Variants in BEST2 observed in about 807,000 individuals in gnomAD.
The protein encoded by BEST2 is bestrophin-2a.
In BEST2, 36 loss-of-function variants were observed where a neutral mutation model predicts 49.0. That is an observed-to-expected ratio of 0.73 (90% CI 0.56 to 0.97). BEST2 has a LOEUF of 0.97. Among genes scored for constraint, BEST2 ranks in the 50% least tolerant of loss-of-function variants. BEST2 has a pLI of 0.00. For synonymous variants in BEST2, 335 were observed against 304.4 expected, an observed-to-expected ratio of 1.10 and a Z score of -1.05; for missense variants, 672 against 710.0, an observed-to-expected ratio of 0.95 and a Z score of 0.61.
In BEST2 at chr19:12,755,812, T is replaced by C. The variant is rs1297801443; in HGVS notation, c.868-43T>C. 20 of 1,612,454 alleles carry C rather than the reference T, an allele frequency of 1.2e-5. No homozygotes were observed. Among genetic ancestry groups the C allele is most frequent in the Non-Finnish European group, 1.6e-5 (19 of 1,178,660 alleles). ...TGGAATTTCGTGGGTGGGGCGGGCA[T>C]GGGGTTCCCAAGTTTCCACCTAACT... On this transcript the variant is annotated intron_variant, in intron 7 of 9. Transcript: ENST00000553030. The surrounding 1 kb of genome is among the most constrained non-coding windows in gnomAD (Gnocchi z 4.4).
chr19:12,754,597 T>A lies in BEST2; in HGVS notation c.293T>A (p.Leu98Gln). The change falls in exon 4 of 10, where the codon CTA becomes CAA. Residue 98 changes from leucine (L) to glutamine (Q), a missense_variant. Transcript: ENST00000553030. The part of the protein sequence containing the change: ...LVVNRWWSQY[L>Q]CMPLPDALMC... ...GTGAACCGCTGGTGGAGCCAGTACC[T>A]ATGCATGCCGCTGCCCGACGCGCTC... The A allele has an allele frequency of 6.4e-7, 1 of 1,564,242 alleles. No homozygotes were observed. The highest frequency in any genetic ancestry group is 8.7e-7 in the Non-Finnish European group (1 of 1,150,406).
rs1473822065 is a variant in BEST2 at position 12,755,594 on chromosome 19, G to C, written c.715-21G>C. Reference sequence around the variant, plus strand: ...CCTTGGACCCCAATGACCCCCCTGAGCCCTGCCCCGCCCTGCCCAGGTGGT... The same window carrying C: ...CCTTGGACCCCAATGACCCCCCTGACCCCTGCCCCGCCCTGCCCAGGTGGT... On this transcript the variant is annotated intron_variant, in intron 6 of 9. Coordinates refer to ENST00000553030, the MANE Select transcript of BEST2 (RefSeq NM_017682.3). The surrounding 1 kb of genome is among the most constrained non-coding windows in gnomAD (Gnocchi z 4.4). The C allele has an allele frequency of 6.2e-7, 1 of 1,610,426 alleles. No homozygotes were observed. The highest frequency in any genetic ancestry group is 8.5e-7 in the Non-Finnish European group (1 of 1,177,768).
intron 1 of BEST2, among the ~76,000 whole-genome samples, chr19:12,752,280 G>T (rs1416261100): frequency 6.6e-6 from 1 of 151,806 alleles, no homozygotes; most frequent in Non-Finnish European, 1.5e-5. Context: ...TCGGGCAGAG[G>T]GTGACTCGGG....
At chr19:12,757,546 A>C in intron 9 of BEST2, 105 bp from the exon 10 acceptor site, 1 of 1,270,554 alleles carries the variant, frequency 7.9e-7, no homozygotes, top group Non-Finnish European at 1.1e-6. Flanking sequence ...TTTGGGGATA[A>C]GTGGGACAAA....
chr19:12,755,382 C>A lies in BEST2; in HGVS notation c.640C>A (p.Leu214Met). The A allele has an allele frequency of 6.2e-7, 1 of 1,614,128 alleles. No individual in the cohort carries two copies. Among genetic ancestry groups the A allele is most frequent in the Non-Finnish European group, 8.5e-7 (1 of 1,180,018 alleles). Residue 214 changes from leucine to methionine, a missense_variant, in exon 6 of 10, where the codon CTG becomes ATG. Leu to Met is a conservative substitution (Grantham distance 15, BLOSUM62 2). Around this residue, in one of 3 missense-constraint regions of BEST2, gnomAD observed 365 missense variants for 390.9 expected, o/e 0.93. Coordinates refer to ENST00000553030, the MANE Select transcript of BEST2 (RefSeq NM_017682.3). The surrounding 1 kb of genome is among the most constrained non-coding windows in gnomAD (Gnocchi z 4.4). ...CATGACCTGTATCCACCCCCAGGAG[C>A]TGAATGTTTTTCGGGGCAAATGTGG... is the stretch of plus-strand genomic sequence containing the variant. ...NSALKLLLEE[L>M]NVFRGKCGML...
rs1291480683 is a variant in BEST2, at chr19:12,758,154, A to T, written c.*77A>T. The T allele has an allele frequency of 6.7e-7, 1 of 1,502,640 alleles. No homozygotes were observed. The highest frequency in any genetic ancestry group is 2.2e-5 in the Admixed American group (1 of 45,132). The allele number at this position is 1,502,640 out of a possible 1,614,324, so 93.1% of individuals were successfully genotyped here. On this transcript the variant is annotated 3_prime_UTR_variant, in exon 10 of 10. Transcript: ENST00000553030. ...CCCACGCAGGTGTCCCGGTCTGCAT[A>T]AGCCTCGTGTGCCTTTGTAAAGTCC...
chr19:12,756,297 T>A lies in BEST2; in HGVS notation c.1103+2T>A, dbSNP rs776660350. 2 of 1,612,634 alleles carry A rather than the reference T, an allele frequency of 1.2e-6. No homozygotes were observed. Among genetic ancestry groups the A allele is most frequent in the Admixed American group, 1.7e-5 (1 of 60,026 alleles). ...CCAGGGCTCCACCTTTGACATCACG[T>A]GAGCCAGTTGGGTGGGCAGGGCCGC... On this transcript the variant is annotated splice_donor_variant, in intron 9 of 9. Transcript: ENST00000553030. LOFTEE classifies it high-confidence loss of function.
chr19:12,752,834 T>A, intron 2 of BEST2, 90 bp downstream of exon 2: 1 of 866,230 alleles, frequency 1.2e-6, no homozygotes, highest in Non-Finnish European at 1.5e-6. Flanking sequence ...AATATAGAGA[T>A]ATATAAGTAT....
At position 12,755,831 on chromosome 19, in the gene BEST2, C is replaced by T; in HGVS notation, c.868-24C>T. 6.2e-7 allele frequency: 1 copy of T among 1,613,944 alleles called. No homozygotes were observed. Among genetic ancestry groups the T allele is most frequent in the Non-Finnish European group, 8.5e-7 (1 of 1,179,856 alleles). On this transcript the variant is annotated intron_variant, in intron 7 of 9. Transcript: ENST00000553030. The surrounding 1 kb of genome is among the most constrained non-coding windows in gnomAD (Gnocchi z 4.4). ...CGGGCATGGGGTTCCCAAGTTTCCA[C>T]CTAACTGCTCCCTCTCCTCTCAGGT...
At chr19:12,754,488 C>T (rs952218479) in intron 3 of BEST2, 64 bp from the exon 4 acceptor site, 1 of 1,344,208 alleles carries the variant, frequency 7.4e-7, no homozygotes, top group Non-Finnish European at 9.9e-7. Context: ...TCTCCCACAA[C>T]CTGGGCCCCC....
At chr19:12,757,455 T>C (rs1310003283) in intron 9 of BEST2, among the ~76,000 whole-genome samples, 196 bp from the exon 10 acceptor site, 1 of 152,196 alleles carries the variant, frequency 6.6e-6, no homozygotes, top group Admixed American at 6.5e-5. Context: ...GAAATGGGGC[T>C]GAGCCACGAC....
rs2145708566 is a variant in BEST2 at position 12,758,416 on chromosome 19, A to G, written c.*339A>G. The G allele has an allele frequency of 8.5e-6, 3 of 351,630 alleles. No homozygotes were observed. The highest frequency in any genetic ancestry group is 5.8e-5 in the East Asian group (1 of 17,160). The allele number at this position is 351,630 out of a possible 1,614,324, so 21.8% of individuals were successfully genotyped here. A position where few individuals can be genotyped will look rare whatever the true frequency, so the allele number is the denominator to read the frequency against. ...AAAGAATGGCATTAAAGCATTTGGT[A>G]TACAGTAGGTGCTCAATAAATTGCT... is the stretch of plus-strand genomic sequence containing the variant. On this transcript the variant is annotated 3_prime_UTR_variant, in exon 10 of 10. Coordinates refer to ENST00000553030, the MANE Select transcript of BEST2 (RefSeq NM_017682.3).
chr19:12,755,617 G>A lies in BEST2; in HGVS notation c.717G>A (p.Val239=). 2 of 1,613,380 alleles carry A rather than the reference G, an allele frequency of 1.2e-6. No individual in the cohort carries two copies. The highest frequency in any genetic ancestry group is 2.2e-5 in the South Asian group (2 of 91,066). The change falls in exon 7 of 10, where the codon GTG becomes GTA. Residue 239 remains valine (V), a splice_region_variant and synonymous_variant. Coordinates refer to ENST00000553030, the MANE Select transcript of BEST2 (RefSeq NM_017682.3). This position sits in a 1 kb window ranked among gnomAD's most constrained non-coding sequence, Gnocchi z 4.4. ...WISVPLVYTQ[V]VTIALYSYFL... ...GAGCCCTGCCCCGCCCTGCCCAGGT[G>A]GTGACCATCGCACTGTACAGCTACT...
At position 12,752,780 on chromosome 19, in the gene BEST2, G is replaced by A. The variant is rs578207279; in HGVS notation, c.152+36G>A. The A allele has an allele frequency of 6.5e-6, 10 of 1,533,322 alleles. No homozygotes were observed. In the East Asian group the frequency reaches 1.1e-4, roughly 18 times the overall value. 95.0% of individuals were successfully genotyped at this position (1,533,322 alleles called of 1,614,324 possible). On this transcript the variant is annotated intron_variant, in intron 2 of 9. Coordinates refer to ENST00000553030, the MANE Select transcript of BEST2 (RefSeq NM_017682.3). ...CCTGAGGTGCTCATGTTCTAGCGGAGGGGGGGCAGCTATTATATATATATA... is the reference window on the plus strand; with the variant it reads ...CCTGAGGTGCTCATGTTCTAGCGGAAGGGGGGCAGCTATTATATATATATA...
Position 12,755,989 on chromosome 19 carries a change from CAACAGGGTT to C in BEST2, c.948+55_948+63del. ...CAGGTGGCGACCATCCCGGAGTGCC[CAACAGGGTT>C]CTGGTCCCACCCCTGCCAAGTCTTG... On this transcript the variant is annotated intron_variant, in intron 8 of 9. Coordinates refer to ENST00000553030, the MANE Select transcript of BEST2 (RefSeq NM_017682.3). The surrounding 1 kb of genome is among the most constrained non-coding windows in gnomAD (Gnocchi z 4.4). 1.3e-6 allele frequency: 2 copies of C among 1,595,312 alleles called. No homozygotes were observed. The highest frequency in any genetic ancestry group is 2.2e-5 in the South Asian group (2 of 90,392).
rs1232512994 is a variant in BEST2, at chr19:12,755,499, C to T, written c.714+43C>T. The T allele has an allele frequency of 5.0e-6, 8 of 1,611,384 alleles. No individual in the cohort carries two copies. In the Admixed American group the frequency reaches 1.2e-4, roughly 24 times the overall value. ...CTTTTTATATTCGGTGTCAGTGGCC[C>T]TGATGCCTGGTTTCCAAGGGGAAAC... On this transcript the variant is annotated intron_variant, in intron 6 of 9. Coordinates refer to ENST00000553030, the MANE Select transcript of BEST2 (RefSeq NM_017682.3). The surrounding 1 kb of genome is among the most constrained non-coding windows in gnomAD (Gnocchi z 4.4).
chr19:12,754,586 G>A lies in BEST2; in HGVS notation c.282G>A (p.Trp94Ter). The part of the protein sequence containing the change: ...FYVTLVVNRW[W>*]SQYLCMPLPD... ...TGACGCTGGTGGTGAACCGCTGGTG[G>A]AGCCAGTACCTATGCATGCCGCTGC... The change falls in exon 4 of 10, where the codon TGG becomes TGA. Residue 94 changes from tryptophan (W) to a stop codon, truncating the protein, a stop_gained. Transcript: ENST00000553030. LOFTEE classifies it high-confidence loss of function. 1 of 1,548,890 alleles carries A rather than the reference G, an allele frequency of 6.5e-7. No individual in the cohort carries two copies. Among genetic ancestry groups the A allele is most frequent in the Non-Finnish European group, 8.8e-7 (1 of 1,140,394 alleles).
At chr19:12,757,552 A>G (rs1967959715) in intron 9 of BEST2, 99 bp from the exon 10 acceptor site, 2 of 1,329,482 alleles carry the variant, frequency 1.5e-6, no homozygotes, top group Non-Finnish European at 2.0e-6. Flanking sequence ...GATAAGTGGG[A>G]CAAAGCGGTG....
At position 12,756,401 on chromosome 19, in the gene BEST2, G is replaced by A. The variant is rs1967945081; in HGVS notation, c.1103+106G>A. On this transcript the variant is annotated intron_variant, in intron 9 of 9. Coordinates refer to ENST00000553030, the MANE Select transcript of BEST2 (RefSeq NM_017682.3). ...GAATCAATTCTGGAGATGGGGATAA[G>A]AGCTAAAGTCTCAGGACTGTGATAA... 2.1e-6 allele frequency: 3 copies of A among 1,437,006 alleles called. No individual in the cohort carries two copies. In the African/African-American group the frequency reaches 4.2e-5, roughly 20 times the overall value. 89.0% of individuals were successfully genotyped at this position (1,437,006 alleles called of 1,614,324 possible). A position where few individuals can be genotyped will look rare whatever the true frequency, so the allele number is the denominator to read the frequency against.
Sources: allele counts gnomAD v4.1 joint callset (sites outside exome capture counted in the v4.1 genomes callset), GRCh38; gene constraint gnomAD v4.1.1; regional missense constraint gnomAD v4.1.1; non-coding constraint Gnocchi (gnomAD v3.1); transcripts MANE v1.5; gene names NCBI Gene and HGNC (gene_info 2026-07-23, HGNC 2026-07-21).